The following GRIP1 variants were observed in gnomAD, a reference collection of about 807,000 sequenced individuals.
The protein encoded by GRIP1 is glutamate receptor-interacting protein 1.
Under a neutral mutation model 129.9 loss-of-function variants are expected in GRIP1, and 45 were observed. The ratio of observed to expected loss-of-function variants is 0.35; its 90% CI spans 0.27 to 0.44. The LOEUF (loss-of-function observed/expected upper bound fraction) is 0.44, where lower values mean the gene tolerates loss of function less well. Among genes scored for constraint, GRIP1 ranks in the 20% least tolerant of loss-of-function variants. The pLI, the probability that GRIP1 is intolerant of heterozygous loss-of-function variation, is 1.00. For synonymous variants in GRIP1, 530 were observed against 520.8 expected (o/e 1.02, Z -0.24); for missense variants, 1,196 against 1,396.8 (o/e 0.86, Z 2.29).
chr12:66,662,937 G>T (rs568740181), intron 1 of GRIP1, among the ~76,000 whole-genome samples: 1 of 152,246 alleles, frequency 6.6e-6, no homozygotes, highest in Non-Finnish European at 1.5e-5. Context: ...TACAATCTTG[G>T]ATTAAAGCCC....
Position 66,420,799 on chromosome 12 carries a change from TG to T in GRIP1, c.1769-11del, listed in dbSNP as rs2057778748. 6.8e-7 allele frequency: 1 copy of T among 1,472,174 alleles called. No individual in the cohort carries two copies. Among genetic ancestry groups the T allele is most frequent in the Non-Finnish European group, 9.5e-7 (1 of 1,050,404 alleles). The allele number at this position is 1,472,174 out of a possible 1,614,324, so 91.2% of individuals were successfully genotyped here. ...TTTCTACTGGATGGTGCTGTAATAATGGAGATAGAATAATCACATCTTTATA... is the reference window on the plus strand; with the variant it reads ...TTTCTACTGGATGGTGCTGTAATAATGAGATAGAATAATCACATCTTTATA... On this transcript the variant is annotated splice_polypyrimidine_tract_variant and intron_variant, in intron 14 of 24. Coordinates refer to ENST00000359742, the MANE Select transcript of GRIP1 (RefSeq NM_001366722.1).
intron 1 of GRIP1, among the ~76,000 whole-genome samples, chr12:66,669,142 G>C (rs1216778372): frequency 6.6e-6 from 1 of 151,902 alleles, no homozygotes; most frequent in African/African-American, 2.4e-5. Context: ...GCCAGGCATG[G>C]TGGCTCACAC....
intron 4 of GRIP1, among the ~76,000 whole-genome samples, chr12:66,531,246 AAAAAAAATATATATATATATATATATAT>A (rs1479914450): frequency 0.013 from 653 of 51,656 alleles, 22 homozygotes; most frequent in South Asian, 0.021. Context: ...AAAAAAAAAA[AAAAAAAATATATATATATATATATATAT>A]ATATATATAT....
At chr12:66,854,528 T>G (rs1406900820) in intron 1 of GRIP1, among the ~76,000 whole-genome samples, 1 of 152,042 alleles carries the variant, frequency 6.6e-6, no homozygotes, top group East Asian at 1.9e-4. Flanking sequence ...AGCTATTATA[T>G]GCCAGGTTCT....
At chr12:66,649,326 C>T (rs1592699692) in intron 1 of GRIP1, among the ~76,000 whole-genome samples, 2 of 152,294 alleles carry the variant, frequency 1.3e-5, no homozygotes, top group African/African-American at 2.4e-5. Context: ...TAGAGAAAGC[C>T]ATCAGCTCTG....
intron 1 of GRIP1, among the ~76,000 whole-genome samples, chr12:66,722,344 G>C (rs2036083634): frequency 6.6e-6 from 1 of 152,146 alleles, no homozygotes; most frequent in Non-Finnish European, 1.5e-5. Flanking sequence ...TCAGGGAATA[G>C]GAAGGTCCCA....
intron 1 of GRIP1, among the ~76,000 whole-genome samples, chr12:66,633,491 C>T (rs2031050401): frequency 6.6e-6 from 1 of 151,772 alleles, no homozygotes; most frequent in Admixed American, 6.6e-5. Context: ...AAAAATAAAA[C>T]TTTCATCACA....
At chr12:66,439,679 C>T (rs1472010712) in intron 13 of GRIP1, among the ~76,000 whole-genome samples, 1 of 152,170 alleles carries the variant, frequency 6.6e-6, no homozygotes, top group African/African-American at 2.4e-5. Flanking sequence ...TTGATGCACA[C>T]ACCACGTTTA....
chr12:66,757,940 A>G (rs2037347956), intron 1 of GRIP1, among the ~76,000 whole-genome samples: 1 of 152,202 alleles, frequency 6.6e-6, no homozygotes, highest in Admixed American at 6.5e-5. Context: ...TGAAATGAAA[A>G]GCCTCATTGA....
intron 1 of GRIP1, among the ~76,000 whole-genome samples, chr12:66,694,065 C>T (rs1490186999): frequency 6.6e-6 from 1 of 152,150 alleles, no homozygotes; most frequent in Non-Finnish European, 1.5e-5. Flanking sequence ...TCAGAAACAG[C>T]ATCTCTTCCT....
At chr12:66,646,179 A>G (rs1380920273) in intron 1 of GRIP1, among the ~76,000 whole-genome samples, 1 of 152,212 alleles carries the variant, frequency 6.6e-6, no homozygotes, top group African/African-American at 2.4e-5. Flanking sequence ...ATCCTTGCTA[A>G]TCTTTCATGT....
At chr12:66,686,001 T>A (rs1222250638) in intron 1 of GRIP1, among the ~76,000 whole-genome samples, 1 of 152,220 alleles carries the variant, frequency 6.6e-6, no homozygotes, top group Admixed American at 6.5e-5. Context: ...TTCTAGTGGA[T>A]TTCTTTTATA....
intron 5 of GRIP1, among the ~76,000 whole-genome samples, chr12:66,521,235 T>C (rs2060992945): frequency 6.6e-6 from 1 of 152,228 alleles, no homozygotes; most frequent in South Asian, 2.1e-4. Flanking sequence ...CTTCTTTCCA[T>C]GCTGACATGT....
intron 15 of GRIP1, among the ~76,000 whole-genome samples, chr12:66,406,650 T>C (rs2057201497): frequency 6.6e-6 from 1 of 152,226 alleles, no homozygotes; most frequent in Admixed American, 6.5e-5. Context: ...TTTTTTCTTA[T>C]ACTTTTTTCA....
chr12:66,701,643 C>A (rs541126311), intron 1 of GRIP1, among the ~76,000 whole-genome samples: 1 of 152,144 alleles, frequency 6.6e-6, no homozygotes, highest in South Asian at 2.1e-4. Context: ...CAGTGCAGTG[C>A]CCCAGAATTC....
chr12:66,379,862 T>C (rs2056020406), intron 19 of GRIP1, among the ~76,000 whole-genome samples: 1 of 152,160 alleles, frequency 6.6e-6, no homozygotes. Context: ...CTTTCACAAC[T>C]GTACTCCTGC....
intron 7 of GRIP1, among the ~76,000 whole-genome samples, chr12:66,486,120 G>A (rs568338305): frequency 1.3e-5 from 2 of 152,004 alleles, no homozygotes; most frequent in Non-Finnish European, 1.5e-5. Context: ...TGGTTTTACT[G>A]TGTATTTAAT....
At chr12:66,495,656 G>A (rs768176476) in intron 7 of GRIP1, among the ~76,000 whole-genome samples, 17 of 151,098 alleles carry the variant, frequency 1.1e-4, no homozygotes, top group Non-Finnish European at 1.5e-4. Context: ...CCCCACCCCC[G>A]TGCCCTCCCA....
rs149678002 is a variant in GRIP1 at position 66,399,733 on chromosome 12, T to C, written c.1985-5381A>G. Reference sequence around the variant, plus strand: ...ATGAATGCTATCTGGCTTGAATCCATAATGGTAGCTGCTTCTGTGGCCAAA... The same window carrying C: ...ATGAATGCTATCTGGCTTGAATCCACAATGGTAGCTGCTTCTGTGGCCAAA... On this transcript the variant is annotated intron_variant, in intron 16 of 24. Transcript: ENST00000359742. Among the ~76,000 whole-genome samples the C allele has an allele frequency of 1.9e-3, 294 of 152,094 alleles. 6 individuals carry two copies. The highest frequency in any genetic ancestry group is 6.0e-3 in the African/African-American group (249 of 41,338).
Sources: gnomAD v4.1 joint callset for allele counts (sites outside exome capture counted in the v4.1 genomes callset) on GRCh38, gnomAD v4.1.1 for gene constraint, MANE v1.5 for transcripts, NCBI Gene and HGNC (gene_info 2026-07-23, HGNC 2026-07-21) for gene names.